Variants in HEATR5A observed in about 807,000 individuals in gnomAD.
The protein encoded by HEATR5A is HEAT repeat-containing protein 5A.
A neutral mutation model predicts 218.8 loss-of-function variants in HEATR5A; 178 were observed. That is an observed-to-expected ratio of 0.81 (90% CI 0.72 to 0.92). HEATR5A has a LOEUF of 0.92. HEATR5A is among the 40% of genes least tolerant of loss of function. HEATR5A has a pLI of 0.00. For missense variants in HEATR5A, 2,420 were observed against 2,418.9 expected, an observed-to-expected ratio of 1.00 and a Z score of -0.01; for synonymous variants, 864 against 871.6, an observed-to-expected ratio of 0.99 and a Z score of 0.15.
intron 25 of HEATR5A, among the ~76,000 whole-genome samples, chr14:31,318,691 T>G (rs561021565): frequency 6.6e-6 from 1 of 152,322 alleles, no homozygotes; most frequent in African/African-American, 2.4e-5. Context: ...GGTTTCACTA[T>G]GTTGGCCAGG....
chr14:31,329,269 G>T (rs1416666562), intron 22 of HEATR5A, among the ~76,000 whole-genome samples: 1 of 152,132 alleles, frequency 6.6e-6, no homozygotes, highest in East Asian at 1.9e-4. Flanking sequence ...CTTCCCAACA[G>T]TCTCCCAAAG....
At position 31,293,582 on chromosome 14, in the gene HEATR5A, A is replaced by C; in HGVS notation, c.5864T>G (p.Ile1955Ser). 1.2e-6 allele frequency: 2 copies of C among 1,613,194 alleles called. No homozygotes were observed. Among genetic ancestry groups the C allele is most frequent in the Non-Finnish European group, 1.7e-6 (2 of 1,179,604 alleles). Residue 1955 changes from isoleucine (I) to serine (S), a missense_variant, in exon 36 of 36, where the codon ATC (isoleucine) becomes AGC (serine). Physicochemically the swap from Ile to Ser is moderately radical, Grantham distance 142 (BLOSUM62 -2). Coordinates refer to ENST00000543095, the MANE Select transcript of HEATR5A (RefSeq NM_015473.4). The stretch of plus-strand genomic sequence containing the variant: ...TTCATCCAAAAGGAAGGAAATGAGG[A>C]TGGGCAAAAGACAGGCCACCAGCTG... ...RAQLVACLLP[I>S]LISFLLDENS... is the part of the protein sequence containing the mutation.
chr14:31,315,816 C>G lies in HEATR5A; in HGVS notation c.4172G>C (p.Ser1391Thr), dbSNP rs1595089092. 5.6e-6 allele frequency: 9 copies of G among 1,612,870 alleles called. No homozygotes were observed. Among genetic ancestry groups the G allele is most frequent in the Non-Finnish European group, 7.6e-6 (9 of 1,179,370 alleles). ...AGCTAAGATCTCCATGGTAGAAGCA[C>G]TTTCATTATATAAGTGACTTAGAGC... ...KEALSHLYNESASTMEILAVL... is the reference protein window; with the variant it reads ...KEALSHLYNETASTMEILAVL... The change falls in exon 27 of 36, where the codon AGT becomes ACT. Residue 1391 changes from serine (S) to threonine (T), a missense_variant. Physicochemically the swap from Ser to Thr is moderately conservative, Grantham distance 58 (BLOSUM62 1). Transcript: ENST00000543095.
chr14:31,302,812 A>G, intron 32 of HEATR5A: 1 of 324,724 alleles, frequency 3.1e-6, no homozygotes, highest in Non-Finnish European at 5.7e-6. Flanking sequence ...ATTTTTATTT[A>G]TCTTTTACTG....
At chr14:31,331,418 G>C (rs868815116) in intron 22 of HEATR5A, among the ~76,000 whole-genome samples, 34 of 152,032 alleles carry the variant, frequency 2.2e-4, no homozygotes, top group Admixed American at 2.6e-4. Context: ...TCTCACCTTG[G>C]GCTTCATTGT....
At chr14:31,306,918 T>G in intron 30 of HEATR5A, 39 bp from the exon 31 acceptor site, 1 of 1,480,164 alleles carries the variant, frequency 6.8e-7, no homozygotes, top group South Asian at 1.3e-5. Flanking sequence ...GTATTAGAAA[T>G]TATACATTTC....
intron 22 of HEATR5A, among the ~76,000 whole-genome samples, chr14:31,334,945 C>CA (rs58661759): frequency 0.43 from 41,636 of 96,252 alleles, 7,800 homozygotes; most frequent in Non-Finnish European, 0.47. Context: ...GATTCCATCT[C>CA]AAAAAAAAAA....
At chr14:31,370,158 G>T (rs74808258) in intron 13 of HEATR5A, among the ~76,000 whole-genome samples, 1 of 151,652 alleles carries the variant, frequency 6.6e-6, no homozygotes, top group Admixed American at 6.6e-5. Context: ...CCCGGGAGGC[G>T]GAGGTTGCAG....
chr14:31,345,380 A>C (rs1900986241), intron 19 of HEATR5A, 104 bp from the exon 20 acceptor site: 1 of 837,154 alleles, frequency 1.2e-6, no homozygotes, highest in South Asian at 1.7e-5. Context: ...AGTAACAGCA[A>C]ATGTGAATGC....
chr14:31,296,312 G>T, intron 33 of HEATR5A: 1 of 347,546 alleles, frequency 2.9e-6, no homozygotes, highest in Non-Finnish European at 5.2e-6. Context: ...CATTTACTAG[G>T]AATACATATT....
At chr14:31,377,504 C>G (rs911551379) in intron 11 of HEATR5A, among the ~76,000 whole-genome samples, 2 of 152,096 alleles carry the variant, frequency 1.3e-5, no homozygotes, top group Non-Finnish European at 2.9e-5. Flanking sequence ...TGCAGTGGCT[C>G]ACTCCTGTAG....
chr14:31,325,157 C>A (rs1900223279), intron 23 of HEATR5A, among the ~76,000 whole-genome samples: 1 of 152,158 alleles, frequency 6.6e-6, no homozygotes, highest in African/African-American at 2.4e-5. Context: ...ATTGTCTATG[C>A]ATAGAATGGG....
chr14:31,361,206 T>C (rs76750158), intron 14 of HEATR5A, among the ~76,000 whole-genome samples: 2,426 of 152,302 alleles, frequency 0.016, 26 homozygotes, highest in Middle Eastern at 0.054. Flanking sequence ...TTGTGTTTAA[T>C]ATGCTACAGA....
chr14:31,295,281 T>C (rs2139118580), intron 34 of HEATR5A, among the ~76,000 whole-genome samples: 1 of 152,286 alleles, frequency 6.6e-6, no homozygotes, highest in South Asian at 2.1e-4. Context: ...CGTCTGGCTC[T>C]GTCATCCAGG....
intron 21 of HEATR5A, among the ~76,000 whole-genome samples, chr14:31,342,093 A>G (rs1274820782): frequency 6.6e-6 from 1 of 152,126 alleles, no homozygotes; most frequent in Non-Finnish European, 1.5e-5. Flanking sequence ...TTCTCTTTTT[A>G]AAGTTTTATT....
At chr14:31,366,294 T>C (rs966958714) in intron 13 of HEATR5A, among the ~76,000 whole-genome samples, 6 of 152,160 alleles carry the variant, frequency 3.9e-5, no homozygotes, top group Non-Finnish European at 1.5e-5. Context: ...CAAAAACCTC[T>C]GTTTCAGTAG....
intron 18 of HEATR5A, among the ~76,000 whole-genome samples, chr14:31,348,575 G>A (rs77133457): frequency 0.012 from 1,781 of 152,256 alleles, 24 homozygotes; most frequent in African/African-American, 0.04. Flanking sequence ...AGAGCAAGAC[G>A]TTGTATCGAA....
At chr14:31,350,246 G>A (rs192641150) in intron 17 of HEATR5A, among the ~76,000 whole-genome samples, 15 of 152,252 alleles carry the variant, frequency 9.9e-5, no homozygotes, top group Non-Finnish European at 1.2e-4. Flanking sequence ...CATTAACAGA[G>A]ATGTCCACAA....
At position 31,408,542 on chromosome 14, in the gene HEATR5A, T is replaced by C. The variant is rs145490637; in HGVS notation, c.-74-5493A>G. On this transcript the variant is annotated intron_variant, in intron 1 of 35. Transcript: ENST00000543095. ...GAAAAATTGAAGAACCACTAAGCTA[T>C]GAGTAAGTTGAACTATATGAAACTG... 7.0e-3 allele frequency among the ~76,000 whole-genome samples: 1,059 copies of C among 152,182 alleles called. 10 individuals are homozygous for C. The highest frequency in any genetic ancestry group is 0.024 in the African/African-American group (999 of 41,530).
Sources: gnomAD v4.1 joint callset for allele counts (sites outside exome capture counted in the v4.1 genomes callset) on GRCh38, gnomAD v4.1.1 for gene constraint, MANE v1.5 for transcripts, NCBI Gene and HGNC (gene_info 2026-07-23, HGNC 2026-07-21) for gene names.